AUTS2: variants seen among roughly 807,000 people sequenced by gnomAD.
The protein encoded by AUTS2 is autism susceptibility gene 2 protein.
AUTS2 carries 17 observed loss-of-function variants against 112.4 expected under a neutral mutation model. The observed-to-expected ratio is 0.15, with a 90% CI of 0.10 to 0.23. The LOEUF is 0.23. Among genes scored for constraint, AUTS2 ranks in the 10% least tolerant of loss-of-function variants. The pLI, the probability that AUTS2 is intolerant of heterozygous loss-of-function variation, is 1.00. For missense variants in AUTS2, 1,510 were observed against 1,701.6 expected (o/e 0.89, Z 1.98); for synonymous variants, 751 against 702.7 (o/e 1.07, Z -1.09).
rs182616118 is a variant in AUTS2, at chr7:69,626,068, A to T, written c.309+26106A>T. Among the ~76,000 whole-genome samples the T allele has an allele frequency of 4.7e-4, 72 of 152,272 alleles. 1 individual carries two copies. Among genetic ancestry groups the T allele is most frequent in the African/African-American group, 1.7e-3 (71 of 41,554 alleles). On this transcript the variant is annotated intron_variant, in intron 1 of 18. Coordinates refer to ENST00000342771, the MANE Select transcript of AUTS2 (RefSeq NM_015570.4). ...CCACCAAGGAGGGGGCACCCCTTTG[A>T]CAGAAACGAGAGGGTGTTCCTGAGT...
rs112181522 is a variant in AUTS2, at chr7:70,686,989, G to A, written c.691-11580G>A. On this transcript the variant is annotated intron_variant, in intron 5 of 18. Transcript: ENST00000342771. ...TGACTTACACATTGTGTTCTACGCCGATCCGTCCTTTCAGCTCATGCAGAC... is the reference window on the plus strand; with the variant it reads ...TGACTTACACATTGTGTTCTACGCCAATCCGTCCTTTCAGCTCATGCAGAC... Among the ~76,000 whole-genome samples the A allele has an allele frequency of 1.2e-3, 188 of 152,140 alleles. 1 individual carries two copies. The highest frequency in any genetic ancestry group is 4.1e-3 in the African/African-American group (169 of 41,488).
chr7:70,671,148 C>T (rs1385069333), intron 5 of AUTS2, among the ~76,000 whole-genome samples: 1 of 152,234 alleles, frequency 6.6e-6, no homozygotes, highest in African/African-American at 2.4e-5. Context: ...TGCACCACTG[C>T]ACTCCAGCCT....
chr7:70,304,391 C>T (rs1789389462), intron 4 of AUTS2, among the ~76,000 whole-genome samples: 2 of 152,210 alleles, frequency 1.3e-5, no homozygotes, highest in South Asian at 2.1e-4. Flanking sequence ...TATATCTCTT[C>T]GTGTGACTCA....
intron 1 of AUTS2, among the ~76,000 whole-genome samples, chr7:69,723,643 G>C (rs2129219406): frequency 6.6e-6 from 1 of 152,214 alleles, no homozygotes; most frequent in East Asian, 1.9e-4. Context: ...TTTTATTCCT[G>C]ATTTTCTCAT....
At chr7:69,783,772 A>G (rs1390289256) in intron 1 of AUTS2, among the ~76,000 whole-genome samples, 2 of 152,152 alleles carry the variant, frequency 1.3e-5, no homozygotes, top group Non-Finnish European at 2.9e-5. Flanking sequence ...CCTGTTTCTG[A>G]GGTCTGGGAT....
rs190471891 is a variant in AUTS2 at position 69,895,270 on chromosome 7, T to C, written c.310-4016T>C. Among the ~76,000 whole-genome samples, 5 of 152,310 alleles carry C rather than the reference T, an allele frequency of 3.3e-5. No homozygotes were observed. The East Asian group carries it at 9.6e-4, about 29-fold the overall frequency. ...TTTTCTCCAAGACAGTCTGAAAAAA[T>C]TAAATAGTTATTTTACTTTATAAAT... On this transcript the variant is annotated intron_variant, in intron 1 of 18. Coordinates refer to ENST00000342771, the MANE Select transcript of AUTS2 (RefSeq NM_015570.4).
At chr7:70,192,301 A>T (rs1343520998) in intron 4 of AUTS2, among the ~76,000 whole-genome samples, 4 of 152,274 alleles carry the variant, frequency 2.6e-5, no homozygotes, top group African/African-American at 9.6e-5. Flanking sequence ...GGGGAAAAAA[A>T]TCCCTGTTTC....
At chr7:69,802,899 T>G (rs1010582389) in intron 1 of AUTS2, among the ~76,000 whole-genome samples, 1 of 152,194 alleles carries the variant, frequency 6.6e-6, no homozygotes, top group Non-Finnish European at 1.5e-5. Context: ...ACTGGTTCTG[T>G]TTATATTGAC....
intron 1 of AUTS2, among the ~76,000 whole-genome samples, chr7:69,895,367 A>C (rs1440746465): frequency 6.6e-6 from 1 of 152,220 alleles, no homozygotes; most frequent in Non-Finnish European, 1.5e-5. Context: ...ATTTGTACCA[A>C]AAAATCTATA....
intron 2 of AUTS2, among the ~76,000 whole-genome samples, chr7:70,064,119 G>T (rs1417610149): frequency 1.3e-5 from 2 of 152,160 alleles, no homozygotes; most frequent in Non-Finnish European, 2.9e-5. Flanking sequence ...ACTGTGTTCA[G>T]CATCTGTGCT....
intron 5 of AUTS2, among the ~76,000 whole-genome samples, chr7:70,466,743 G>A (rs118074119): frequency 0.011 from 1,722 of 152,350 alleles, 14 homozygotes; most frequent in Non-Finnish European, 0.018. Flanking sequence ...AACAGATTGT[G>A]TGCGTGTGTG....
At position 69,599,524 on chromosome 7, in the gene AUTS2, TC is replaced by T; in HGVS notation, c.-125del. 3 of 850,454 alleles carry T rather than the reference TC, an allele frequency of 3.5e-6. No individual in the cohort carries two copies. Among genetic ancestry groups the T allele is most frequent in the Non-Finnish European group, 4.6e-6 (3 of 646,634 alleles). 52.7% of individuals were successfully genotyped at this position (850,454 alleles called of 1,614,324 possible). A position where few individuals can be genotyped will look rare whatever the true frequency, so the allele number is the denominator to read the frequency against. Reference sequence around the variant, plus strand: ...TCTCTCCCTTCTTTCGGCCGCCGTCTCCCCCGCGCCCTCCTCGGGGCGGAGG... The same window carrying T: ...TCTCTCCCTTCTTTCGGCCGCCGTCTCCCCGCGCCCTCCTCGGGGCGGAGG... On this transcript the variant is annotated 5_prime_UTR_variant, in exon 1 of 19. Coordinates refer to ENST00000342771, the MANE Select transcript of AUTS2 (RefSeq NM_015570.4). This position sits in a 1 kb window ranked among gnomAD's most constrained non-coding sequence, Gnocchi z 7.0.
At chr7:70,013,979 G>T (rs1799918523) in intron 2 of AUTS2, among the ~76,000 whole-genome samples, 1 of 152,132 alleles carries the variant, frequency 6.6e-6, no homozygotes, top group African/African-American at 2.4e-5. Flanking sequence ...GCCTCCCAAA[G>T]TGCTGGGATT....
chr7:69,642,898 C>T (rs1794855185), intron 1 of AUTS2, among the ~76,000 whole-genome samples: 1 of 152,148 alleles, frequency 6.6e-6, no homozygotes, highest in South Asian at 2.1e-4. Flanking sequence ...AAATAATACA[C>T]ATTTATTATC....
chr7:70,662,506 A>G (rs1328212101), intron 5 of AUTS2, among the ~76,000 whole-genome samples: 8 of 152,218 alleles, frequency 5.3e-5, no homozygotes, highest in Non-Finnish European at 1.0e-4. Flanking sequence ...TTCAAGCGAG[A>G]GTTGTAACTG....
At chr7:70,597,421 C>G (rs1297706816) in intron 5 of AUTS2, among the ~76,000 whole-genome samples, 1 of 152,254 alleles carries the variant, frequency 6.6e-6, no homozygotes, top group Admixed American at 6.5e-5. Flanking sequence ...CTTTTGCAGC[C>G]TGGGGTTTCT....
chr7:70,589,577 G>T (rs62455834), intron 5 of AUTS2, among the ~76,000 whole-genome samples: 1 of 152,006 alleles, frequency 6.6e-6, no homozygotes, highest in South Asian at 2.1e-4. Context: ...AGCGGGATGC[G>T]GTGGCAGACG....
chr7:69,641,503 G>T (rs1038592118), intron 1 of AUTS2, among the ~76,000 whole-genome samples: 9 of 152,156 alleles, frequency 5.9e-5, no homozygotes, highest in Admixed American at 3.9e-4. Flanking sequence ...TATCTCTGGG[G>T]CCTGCAGTTA....
chr7:70,355,267 ATT>A (rs1411997408), intron 4 of AUTS2, among the ~76,000 whole-genome samples: 1 of 151,858 alleles, frequency 6.6e-6, no homozygotes, highest in African/African-American at 2.4e-5. Context: ...GAAAGTACAA[ATT>A]TTTACATCTG....
Sources: allele counts gnomAD v4.1 joint callset (sites outside exome capture counted in the v4.1 genomes callset), GRCh38; gene constraint gnomAD v4.1.1; non-coding constraint Gnocchi (gnomAD v3.1); transcripts MANE v1.5; gene names NCBI Gene and HGNC (gene_info 2026-07-23, HGNC 2026-07-21).